TRERF1: variants seen among roughly 807,000 people sequenced by gnomAD.
TRERF1 encodes the protein transcriptional-regulating factor 1.
In TRERF1, 27 loss-of-function variants were observed where a neutral mutation model predicts 122.9. That is an observed-to-expected ratio of 0.22 (90% CI 0.16 to 0.30). The LOEUF (loss-of-function observed/expected upper bound fraction) is 0.30. Among genes scored for constraint, TRERF1 ranks in the 10% least tolerant of loss-of-function variants. TRERF1 has a pLI of 1.00. For synonymous variants in TRERF1, 636 were observed against 641.7 expected (o/e 0.99, Z 0.13); for missense variants, 1,248 against 1,560.3 (o/e 0.80, Z 3.37).
intron 2 of TRERF1, among the ~76,000 whole-genome samples, chr6:42,446,109 T>C (rs970700713): frequency 4.6e-5 from 7 of 152,188 alleles, no homozygotes; most frequent in Non-Finnish European, 7.3e-5. Flanking sequence ...AGACAGTGTT[T>C]CACCATTTTG....
At chr6:42,382,740 T>A (rs1214309187) in intron 2 of TRERF1, among the ~76,000 whole-genome samples, 1 of 152,086 alleles carries the variant, frequency 6.6e-6, no homozygotes, top group African/African-American at 2.4e-5. Context: ...TTGCTTTACA[T>A]CAGGGCTTTC....
At chr6:42,368,059 G>A (rs1050794287) in intron 2 of TRERF1, among the ~76,000 whole-genome samples, 4 of 152,026 alleles carry the variant, frequency 2.6e-5, no homozygotes, top group Admixed American at 2.6e-4. Flanking sequence ...TGAAAGTGCA[G>A]GCAAATGTGG....
rs772638924 is a variant in TRERF1, at chr6:42,259,575, G to C, written c.2033C>G (p.Ser678Trp). 1.9e-6 allele frequency: 3 copies of C among 1,613,894 alleles called. No homozygotes were observed. The highest frequency in any genetic ancestry group is 4.5e-5 in the East Asian group (2 of 44,876). ...CTGGCTCTGGTACAGGGTGGCGCCCGAGTAGGAGGCAGCGGGGTTCGGGTT... is the reference window on the plus strand; with the variant it reads ...CTGGCTCTGGTACAGGGTGGCGCCCCAGTAGGAGGCAGCGGGGTTCGGGTT... The change falls in exon 9 of 18, where the codon TCG becomes TGG. Residue 678 changes from serine (S) to tryptophan (W), a missense_variant. Around this residue, in one of 5 missense-constraint regions of TRERF1, gnomAD observed 946 missense variants for 1,073.0 expected, o/e 0.88. Coordinates refer to ENST00000372922, the Ensembl canonical transcript of TRERF1. This position sits in a 1 kb window ranked among gnomAD's most constrained non-coding sequence, Gnocchi z 4.9.
intron 2 of TRERF1, among the ~76,000 whole-genome samples, chr6:42,409,618 G>A (rs1780816886): frequency 6.6e-6 from 1 of 152,098 alleles, no homozygotes; most frequent in East Asian, 1.9e-4. Flanking sequence ...GTAGGATTTT[G>A]TAATTTTCTT....
intron 3 of TRERF1, among the ~76,000 whole-genome samples, chr6:42,346,242 C>G (rs1768254756): frequency 6.6e-6 from 1 of 152,156 alleles, no homozygotes; most frequent in Non-Finnish European, 1.5e-5. Flanking sequence ...GCAGAGCCAC[C>G]CCAGCCACTA....
rs549143540 is a variant in TRERF1, at chr6:42,393,037, G to C, written c.-453-29958C>G. Among the ~76,000 whole-genome samples the C allele has an allele frequency of 5.3e-5, 8 of 152,262 alleles. No individual in the cohort carries two copies. Among genetic ancestry groups the C allele is most frequent in the African/African-American group, 1.9e-4 (8 of 41,550 alleles). ...CGACGCGAGGGCCACTGGACATGGA[G>C]TTGGGAAGAGACATGCACAGTTAAC... On this transcript the variant is annotated intron_variant, in intron 2 of 17. Coordinates refer to ENST00000372922, the Ensembl canonical transcript of TRERF1. The surrounding 1 kb of genome is among the most constrained non-coding windows in gnomAD (Gnocchi z 4.1).
rs1023180582 is a variant in TRERF1, at chr6:42,275,620, G to A, written c.-258-5772C>T. ...CAAACGCTCACTGAACTGCAACACT[G>A]CGCTAGGCAAAGGAGACCTAGAGTG... is the stretch of plus-strand genomic sequence containing the variant. On this transcript the variant is annotated intron_variant, in intron 4 of 17. Coordinates refer to ENST00000372922, the Ensembl canonical transcript of TRERF1. This position sits in a 1 kb window ranked among gnomAD's most constrained non-coding sequence, Gnocchi z 4.1. 6.6e-6 allele frequency among the ~76,000 whole-genome samples: 1 copy of A among 152,232 alleles called. No homozygotes were observed. The highest frequency in any genetic ancestry group is 1.5e-5 in the Non-Finnish European group (1 of 68,042).
At chr6:42,435,059 A>C (rs1009846770) in intron 2 of TRERF1, among the ~76,000 whole-genome samples, 1 of 151,948 alleles carries the variant, frequency 6.6e-6, no homozygotes, top group Admixed American at 6.6e-5. Context: ...TGAACCCAGG[A>C]GGCAGAGGTT....
At chr6:42,301,375 G>A (rs985526208) in intron 3 of TRERF1, among the ~76,000 whole-genome samples, 4 of 151,986 alleles carry the variant, frequency 2.6e-5, no homozygotes, top group African/African-American at 9.7e-5. Flanking sequence ...GATTATAGGT[G>A]CCCACCACCA....
intron 2 of TRERF1, among the ~76,000 whole-genome samples, chr6:42,392,762 T>C (rs775896208): frequency 8.5e-5 from 13 of 152,130 alleles, no homozygotes; most frequent in Non-Finnish European, 1.8e-4. Flanking sequence ...CCTCAAGAGC[T>C]TACAGTCCAG....
At chr6:42,409,829 T>C (rs1417791846) in intron 2 of TRERF1, among the ~76,000 whole-genome samples, 1 of 152,220 alleles carries the variant, frequency 6.6e-6, no homozygotes, top group Non-Finnish European at 1.5e-5. Flanking sequence ...ACTCAGTATC[T>C]GCAGCCCCTG....
chr6:42,416,020 T>A (rs1781784160), intron 2 of TRERF1, among the ~76,000 whole-genome samples: 1 of 152,128 alleles, frequency 6.6e-6, no homozygotes, highest in African/African-American at 2.4e-5. Context: ...TATATGTTAA[T>A]ATAATTTTAT....
chr6:42,364,235 A>C (rs1164500042), intron 2 of TRERF1, among the ~76,000 whole-genome samples: 2 of 151,734 alleles, frequency 1.3e-5, no homozygotes, highest in Non-Finnish European at 2.9e-5. Context: ...GCTCTTCCCC[A>C]TCCCTGGAGC....
At chr6:42,407,957 C>T (rs139638323) in intron 2 of TRERF1, among the ~76,000 whole-genome samples, 45 of 151,366 alleles carry the variant, frequency 3.0e-4, no homozygotes, top group Admixed American at 6.6e-4. Context: ...GTTTTCACAG[C>T]ATTTGCCTAA....
chr6:42,394,059 A>G lies in TRERF1; in HGVS notation c.-453-30980T>C, dbSNP rs1778179118. On this transcript the variant is annotated intron_variant, in intron 2 of 17. Transcript: ENST00000372922. ...CTGTTAACAGGTTGCTTTTATGACC[A>G]TAAAACAGTAAACGGACCAGATTTT... Among the ~76,000 whole-genome samples the G allele has an allele frequency of 2.0e-5, 3 of 152,176 alleles. No individual in the cohort carries two copies. In the South Asian group the frequency reaches 6.2e-4, roughly 31 times the overall value.
intron 3 of TRERF1, among the ~76,000 whole-genome samples, chr6:42,309,906 C>T (rs1278131748): frequency 6.6e-6 from 1 of 150,982 alleles, no homozygotes; most frequent in African/African-American, 2.4e-5. Flanking sequence ...CCCGCCTCAA[C>T]CTGGGACTAC....
chr6:42,411,320 G>A, intron 2 of TRERF1, among the ~76,000 whole-genome samples: 1 of 152,192 alleles, frequency 6.6e-6, no homozygotes. Flanking sequence ...GGAGGGTTAA[G>A]TAATTTACCC....
chr6:42,260,010 T>C (rs946602938), intron 8 of TRERF1, among the ~76,000 whole-genome samples: 6 of 152,198 alleles, frequency 3.9e-5, no homozygotes, highest in Middle Eastern at 3.4e-3. Context: ...AAATTCTTTA[T>C]TGCTTATCAC....
chr6:42,299,137 C>CTACAT lies in TRERF1; in HGVS notation c.-259+1500_-259+1501insATGTA, dbSNP rs1554152228. 9.3e-3 allele frequency among the ~76,000 whole-genome samples: 1,226 copies of CTACAT among 132,224 alleles called. 18 individuals carry two copies. Among genetic ancestry groups the CTACAT allele is most frequent in the Non-Finnish European group, 0.015 (896 of 59,752 alleles). 86.7% of individuals were successfully genotyped at this position (132,224 alleles called of 152,430 possible). On this transcript the variant is annotated intron_variant, in intron 4 of 17. Coordinates refer to ENST00000372922, the Ensembl canonical transcript of TRERF1. The stretch of plus-strand genomic sequence containing the variant: ...CTGTCTCTATCTATCTATCTATCTA[C>CTACAT]ATATATATATATATCTAGCTAGCTG...
Sources: allele counts gnomAD v4.1 joint callset (sites outside exome capture counted in the v4.1 genomes callset), GRCh38; gene constraint gnomAD v4.1.1; regional missense constraint gnomAD v4.1.1; non-coding constraint Gnocchi (gnomAD v3.1); transcripts MANE v1.5; gene names NCBI Gene and HGNC (gene_info 2026-07-23, HGNC 2026-07-21).